Variants in FAM135A observed in about 807,000 individuals in gnomAD.
FAM135A encodes protein FAM135A.
Under a neutral mutation model 146.8 loss-of-function variants are expected in FAM135A, and 79 were observed. The observed-to-expected ratio is 0.54, with a 90% confidence interval of 0.45 to 0.65. The LOEUF (loss-of-function observed/expected upper bound fraction) is 0.65, where lower values mean the gene tolerates loss of function less well. Among genes scored for constraint, FAM135A ranks in the 30% least tolerant of loss-of-function variants. FAM135A has a pLI of 0.00. For synonymous variants in FAM135A, 562 were observed against 603.6 expected, an observed-to-expected ratio of 0.93 and a Z score of 1.01; for missense variants, 1,623 against 1,758.2, an observed-to-expected ratio of 0.92 and a Z score of 1.38.
chr6:70,519,111 T>C (rs1281473299), intron 12 of FAM135A, among the ~76,000 whole-genome samples: 3 of 152,106 alleles, frequency 2.0e-5, no homozygotes, highest in Non-Finnish European at 4.4e-5. Context: ...GGTCAAAATA[T>C]CAACATGAAC....
rs142967435 is a variant in FAM135A, at chr6:70,439,978, A to G, written c.77+11559A>G. Among the ~76,000 whole-genome samples, 798 of 152,342 alleles carry G rather than the reference A, an allele frequency of 5.2e-3. 5 individuals carry two copies. Among genetic ancestry groups the G allele is most frequent in the Non-Finnish European group, 8.7e-3 (592 of 68,032 alleles). ...TGTAAAATCATTATTGTACTTAAAT[A>G]AATGTTTAAAATAATTCCTTGATAT... On this transcript the variant is annotated intron_variant, in intron 4 of 21. Transcript: ENST00000418814.
At chr6:70,438,329 T>C (rs1052930739) in intron 4 of FAM135A, among the ~76,000 whole-genome samples, 8 of 152,350 alleles carry the variant, frequency 5.3e-5, no homozygotes, top group African/African-American at 1.7e-4. Context: ...TTACTTTCTG[T>C]GGTTTCAGTT....
chr6:70,523,495 A>G (rs947613991), intron 13 of FAM135A, among the ~76,000 whole-genome samples: 1 of 152,176 alleles, frequency 6.6e-6, no homozygotes, highest in Non-Finnish European at 1.5e-5. Context: ...GTTTTGTATT[A>G]GAAAATTATA....
intron 5 of FAM135A, among the ~76,000 whole-genome samples, chr6:70,472,192 G>A (rs1397023899): frequency 1.3e-5 from 2 of 152,150 alleles, no homozygotes; most frequent in African/African-American, 4.8e-5. Flanking sequence ...CATCTTCAGG[G>A]AAGAGCAATA....
intron 5 of FAM135A, among the ~76,000 whole-genome samples, chr6:70,470,002 G>GA (rs200813225): frequency 1.6e-3 from 242 of 148,686 alleles, no homozygotes; most frequent in African/African-American, 4.5e-3. Flanking sequence ...AAAAAAAGTA[G>GA]AAAAAAAAAC....
At chr6:70,423,526 A>G (rs1769336820) in intron 2 of FAM135A, among the ~76,000 whole-genome samples, 2 of 152,236 alleles carry the variant, frequency 1.3e-5, no homozygotes, top group Admixed American at 1.3e-4. Context: ...AACTAGGGAC[A>G]CTGTCAAGTT....
chr6:70,552,929 T>C (rs190102498), intron 20 of FAM135A, among the ~76,000 whole-genome samples: 122 of 152,328 alleles, frequency 8.0e-4, no homozygotes, highest in Non-Finnish European at 8.8e-4. Context: ...GAGAGCCTAC[T>C]GTTTGTTCAG....
At chr6:70,467,021 C>G (rs1185552313) in intron 5 of FAM135A, among the ~76,000 whole-genome samples, 1 of 152,164 alleles carries the variant, frequency 6.6e-6, no homozygotes, top group African/African-American at 2.4e-5. Flanking sequence ...CTCTTATTTC[C>G]TAACATCTGT....
intron 4 of FAM135A, among the ~76,000 whole-genome samples, chr6:70,433,935 A>G (rs1345913088): frequency 6.6e-6 from 1 of 150,888 alleles, no homozygotes; most frequent in Non-Finnish European, 1.5e-5. Context: ...AATCTAAAGA[A>G]AAACTAGTTT....
At chr6:70,509,166 G>T (rs1253892611) in intron 12 of FAM135A, among the ~76,000 whole-genome samples, 2 of 152,086 alleles carry the variant, frequency 1.3e-5, no homozygotes, top group Non-Finnish European at 2.9e-5. Context: ...GGGCACAGTG[G>T]CTCACACTTG....
At chr6:70,434,065 A>T (rs1772381611) in intron 4 of FAM135A, among the ~76,000 whole-genome samples, 1 of 152,236 alleles carries the variant, frequency 6.6e-6, no homozygotes, top group African/African-American at 2.4e-5. Context: ...TGGAATGTGG[A>T]TGTATGTCTT....
In FAM135A at chr6:70,502,622, T is replaced by C. The variant is rs1399336231; in HGVS notation, c.874-14T>C. The C allele has an allele frequency of 1.3e-5, 21 of 1,598,928 alleles. No homozygotes were observed. Among genetic ancestry groups the C allele is most frequent in the Non-Finnish European group, 1.7e-5 (20 of 1,174,844 alleles). ...TCTTGGGAAATAGTGAAATTTTTTT[T>C]CTTTTCATTTCAGAAAATAGAGAAT... On this transcript the variant is annotated splice_polypyrimidine_tract_variant and intron_variant, in intron 11 of 21. Coordinates refer to ENST00000418814, the MANE Select transcript of FAM135A (RefSeq NM_001162529.3).
At chr6:70,498,514 C>T (rs1419117399) in intron 11 of FAM135A, among the ~76,000 whole-genome samples, 1 of 152,104 alleles carries the variant, frequency 6.6e-6, no homozygotes, top group Non-Finnish European at 1.5e-5. Flanking sequence ...TTGTCTTCTG[C>T]TAGCTTTTGA....
intron 5 of FAM135A, among the ~76,000 whole-genome samples, chr6:70,464,867 A>G (rs189200259): frequency 0.02 from 2,056 of 104,684 alleles, 71 homozygotes; most frequent in African/African-American, 0.077. Context: ...TTTTTTCAGT[A>G]GAGATGGGGT....
chr6:70,541,718 T>C (rs9294876), intron 20 of FAM135A, among the ~76,000 whole-genome samples: 40,332 of 152,042 alleles, frequency 0.27, 6,819 homozygotes, highest in African/African-American at 0.48. Flanking sequence ...ACCTAGAGGC[T>C]TACTTAGCAT....
chr6:70,430,387 T>C (rs1355679017), intron 4 of FAM135A, among the ~76,000 whole-genome samples: 1 of 152,004 alleles, frequency 6.6e-6, no homozygotes, highest in Non-Finnish European at 1.5e-5. Context: ...TCTCCTTCAA[T>C]TGACACACTG....
chr6:70,525,611 C>T lies in FAM135A; in HGVS notation c.2527C>T (p.Leu843=). 6.2e-7 allele frequency: 1 copy of T among 1,613,524 alleles called. No individual in the cohort carries two copies. The highest frequency in any genetic ancestry group is 1.7e-5 in the Admixed American group (1 of 59,988). ...IQSSLTSINS[L]PSDDELSPDE... ...GTCATCTTTGACATCCATAAACTCT[C>T]TACCCTCCGATGATGAACTGTCACC... Residue 843 remains leucine (L), a synonymous_variant, in exon 15 of 22, where the codon CTA becomes TTA. Coordinates refer to ENST00000418814, the MANE Select transcript of FAM135A (RefSeq NM_001162529.3).
chr6:70,500,816 A>G (rs1413687545), intron 11 of FAM135A, among the ~76,000 whole-genome samples: 3 of 152,218 alleles, frequency 2.0e-5, no homozygotes, highest in African/African-American at 7.2e-5. Flanking sequence ...TGGAGGCTGC[A>G]CAACAGCAAA....
chr6:70,465,807 A>G (rs1441884415), intron 5 of FAM135A, among the ~76,000 whole-genome samples: 1 of 152,196 alleles, frequency 6.6e-6, no homozygotes, highest in Non-Finnish European at 1.5e-5. Context: ...AGTGCTGATC[A>G]TGTTCATAAT....
Sources: allele counts gnomAD v4.1 joint callset (sites outside exome capture counted in the v4.1 genomes callset), GRCh38; gene constraint gnomAD v4.1.1; transcripts MANE v1.5; gene names NCBI Gene and HGNC (gene_info 2026-07-23, HGNC 2026-07-21).